Variants in IPO8 observed in about 807,000 individuals in gnomAD.
IPO8 encodes the protein importin 8.
In IPO8, 65 loss-of-function variants were observed where a neutral mutation model predicts 141.2. The observed-to-expected ratio is 0.46, with a 90% CI of 0.38 to 0.57. IPO8 has a LOEUF of 0.57. Ranked by LOEUF, IPO8 falls within the 20% of genes least tolerant of loss-of-function variation. IPO8 has a pLI of 0.00. For missense variants in IPO8, 980 were observed against 1,246.8 expected (o/e 0.79, Z 3.22); for synonymous variants, 411 against 420.3 (o/e 0.98, Z 0.27).
intron 9 of IPO8, among the ~76,000 whole-genome samples, chr12:30,669,875 A>G (rs932082884): frequency 6.6e-6 from 1 of 152,210 alleles, no homozygotes; most frequent in East Asian, 1.9e-4. Context: ...CTCTCTGTGC[A>G]CTGCTACTAA....
intron 21 of IPO8, among the ~76,000 whole-genome samples, 166 bp downstream of exon 21, chr12:30,639,349 C>T (rs1246541505): frequency 2.0e-5 from 3 of 152,136 alleles, no homozygotes; most frequent in Non-Finnish European, 4.4e-5. Context: ...CACTAGATTA[C>T]CCTGCTGAAA....
At position 30,636,950 on chromosome 12, in the gene IPO8, T is replaced by C. The variant is rs189420587; in HGVS notation, c.2695+32A>G. ...AAATGCATACACAAATCAAAATCAA[T>C]TGTAACATTAATTTCAATTAGAAGA... On this transcript the variant is annotated intron_variant, in intron 22 of 24. Transcript: ENST00000256079. The C allele has an allele frequency of 1.9e-6, 3 of 1,563,100 alleles. No homozygotes were observed. In the Admixed American group the frequency reaches 5.0e-5, roughly 26 times the overall value.
chr12:30,654,893 G>A (rs1031145979), intron 17 of IPO8, among the ~76,000 whole-genome samples: 2 of 151,970 alleles, frequency 1.3e-5, no homozygotes, highest in Non-Finnish European at 2.9e-5. Context: ...AAGAGATAAT[G>A]TGCCCTCCTA....
chr12:30,643,261 T>C (rs1161135802), intron 20 of IPO8, among the ~76,000 whole-genome samples: 1 of 152,118 alleles, frequency 6.6e-6, no homozygotes, highest in African/African-American at 2.4e-5. Flanking sequence ...TGAGCCAAGA[T>C]CATGCCATTT....
chr12:30,674,896 A>AT lies in IPO8; in HGVS notation c.730-144dup, dbSNP rs1328493011. On this transcript the variant is annotated intron_variant, in intron 6 of 24. Transcript: ENST00000256079. ...CTATACAAATGAAAATTCTTTATAG[A>AT]TTGCTAGGCAGGAATTAAATAAGCA... 3 of 645,512 alleles carry AT rather than the reference A, an allele frequency of 4.6e-6. No homozygotes were observed. In the African/African-American group the frequency reaches 5.4e-5, roughly 12 times the overall value. 40.0% of individuals were successfully genotyped at this position (645,512 alleles called of 1,614,324 possible).
chr12:30,637,173 T>G lies in IPO8; in HGVS notation c.2504A>C (p.Lys835Thr). Residue 835 changes from lysine (K) to threonine (T), a missense_variant, in exon 22 of 25, where the codon AAG becomes ACG. Physicochemically the swap from Lys to Thr is moderately conservative, Grantham distance 78. Coordinates refer to ENST00000256079, the MANE Select transcript of IPO8 (RefSeq NM_006390.4). ...TDCFLGHHDR[K>T]MCIIGLSILL... ...GATACTCAGTCCTATTATACACATC[T>G]TCCGGTCATGATGCCTGCAAATTTT... The G allele has an allele frequency of 6.2e-7, 1 of 1,613,334 alleles. No individual in the cohort carries two copies. The highest frequency in any genetic ancestry group is 8.5e-7 in the Non-Finnish European group (1 of 1,179,690).
intron 19 of IPO8, 145 bp from the exon 20 acceptor site, chr12:30,649,377 G>A (rs1376709611): frequency 2.0e-6 from 1 of 500,322 alleles, no homozygotes; most frequent in Non-Finnish European, 3.5e-6. Flanking sequence ...ACCCAAAGAA[G>A]AATGGTCAAA....
Position 30,630,829 on chromosome 12 carries a change from G to T in IPO8, c.*31C>A. On this transcript the variant is annotated 3_prime_UTR_variant, in exon 25 of 25. Transcript: ENST00000256079. ...CTCCTCTTGTGAAATAAAATGCAGC[G>T]ATGACATTTGGTCAGCTGATGTTCT... 1 of 1,536,750 alleles carries T rather than the reference G, an allele frequency of 6.5e-7. No individual in the cohort carries two copies. The highest frequency in any genetic ancestry group is 9.0e-7 in the Non-Finnish European group (1 of 1,111,966).
intron 23 of IPO8, among the ~76,000 whole-genome samples, chr12:30,633,198 T>C (rs903081676): frequency 6.6e-6 from 1 of 152,196 alleles, no homozygotes; most frequent in Non-Finnish European, 1.5e-5. Context: ...ATGTTATTTG[T>C]AGCAACACTA....
chr12:30,632,935 G>A (rs1222145702), intron 23 of IPO8, among the ~76,000 whole-genome samples: 1 of 152,128 alleles, frequency 6.6e-6, no homozygotes, highest in Non-Finnish European at 1.5e-5. Context: ...CCTACATGCT[G>A]GTTTAAAGTT....
intron 19 of IPO8, among the ~76,000 whole-genome samples, chr12:30,650,044 A>G (rs943543907): frequency 1.3e-5 from 2 of 152,164 alleles, no homozygotes; most frequent in African/African-American, 4.8e-5. Context: ...TTGAAAAAAA[A>G]GACTTAACGA....
At position 30,630,952 on chromosome 12, in the gene IPO8, T is replaced by C. The variant is rs751097058; in HGVS notation, c.3022A>G (p.Lys1008Glu). The C allele has an allele frequency of 5.6e-6, 9 of 1,612,508 alleles. No homozygotes were observed. Among genetic ancestry groups the C allele is most frequent in the Non-Finnish European group, 7.6e-6 (9 of 1,179,450 alleles). The change falls in exon 25 of 25, where the codon AAG becomes GAG. Residue 1008 changes from lysine to glutamate, a missense_variant. Lys to Glu is a moderately conservative substitution (Grantham distance 56). Coordinates refer to ENST00000256079, the MANE Select transcript of IPO8 (RefSeq NM_006390.4). ...AEHRRTVAEA[K>E]KKIEQQGGFT... is the part of the protein sequence containing the mutation. ...CCTCCCTGTTGTTCAATCTTCTTCT[T>C]TGCCTCTAGCATTTTTCAAAAGAAA...
chr12:30,663,643 T>C lies in IPO8; in HGVS notation c.1440A>G (p.Val480=), dbSNP rs2136151069. 1 of 1,609,342 alleles carries C rather than the reference T, an allele frequency of 6.2e-7. No individual in the cohort carries two copies. The highest frequency in any genetic ancestry group is 1.1e-5 in the South Asian group (1 of 90,688). The change falls in exon 14 of 25, where the codon GTA becomes GTG. Residue 480 remains valine (V), a synonymous_variant. Coordinates refer to ENST00000256079, the MANE Select transcript of IPO8 (RefSeq NM_006390.4). The stretch of plus-strand genomic sequence containing the variant: ...ACTTCAAAGAACTAAATGCATGAAG[T>C]ACCCAGCAAGACTGTATTATTAAAA... ...LGYLRARSCW[V]LHAFSSLKFH...
chr12:30,643,470 CTAT>C (rs1349132497), intron 20 of IPO8, among the ~76,000 whole-genome samples: 1 of 152,186 alleles, frequency 6.6e-6, no homozygotes, highest in African/African-American at 2.4e-5. Context: ...TTGAATACTA[CTAT>C]GGTCTCGATA....
At chr12:30,664,202 A>G (rs535570503) in intron 13 of IPO8, among the ~76,000 whole-genome samples, 9 of 152,314 alleles carry the variant, frequency 5.9e-5, no homozygotes, top group Non-Finnish European at 1.2e-4. Context: ...GTTACTAAAG[A>G]CTTTTAGCAA....
chr12:30,656,746 GTAATC>G lies in IPO8; in HGVS notation c.1882-1_1885del. ...TAGACAGATATTCTCTAACTGCTGG[GTAATC>G]TAAAGATAAATGTTAAATATTAAGC... is the stretch of plus-strand genomic sequence containing the variant. On this transcript the variant is annotated splice_acceptor_variant and coding_sequence_variant, in exon 17 of 25. Coordinates refer to ENST00000256079, the MANE Select transcript of IPO8 (RefSeq NM_006390.4). LOFTEE classifies it high-confidence loss of function. 2.7e-6 allele frequency: 4 copies of G among 1,468,748 alleles called. No individual in the cohort carries two copies. Among genetic ancestry groups the G allele is most frequent in the Non-Finnish European group, 3.7e-6 (4 of 1,072,994 alleles). The allele number at this position is 1,468,748 out of a possible 1,614,324, so 91.0% of individuals were successfully genotyped here. A position where few individuals can be genotyped will look rare whatever the true frequency, so the allele number is the denominator to read the frequency against.
At chr12:30,634,395 T>G in intron 22 of IPO8, 109 bp from the exon 23 acceptor site, 1 of 787,836 alleles carries the variant, frequency 1.3e-6, no homozygotes, top group Non-Finnish European at 2.0e-6. Flanking sequence ...AAGGAAAAAA[T>G]CTTCCACAAA....
intron 2 of IPO8, 127 bp downstream of exon 2, chr12:30,690,369 G>A: frequency 1.6e-6 from 1 of 623,004 alleles, no homozygotes; most frequent in Non-Finnish European, 2.8e-6. Flanking sequence ...TGAAGTCACT[G>A]GAAATACTTC....
At chr12:30,679,180 T>G (rs2053159521) in intron 5 of IPO8, among the ~76,000 whole-genome samples, 1 of 152,186 alleles carries the variant, frequency 6.6e-6, no homozygotes, top group Admixed American at 6.5e-5. Flanking sequence ...CCTTCTCATA[T>G]TATCGCTTTT....
Sources: gnomAD v4.1 joint callset for allele counts (sites outside exome capture counted in the v4.1 genomes callset) on GRCh38, gnomAD v4.1.1 for gene constraint, MANE v1.5 for transcripts, NCBI Gene and HGNC (gene_info 2026-07-23, HGNC 2026-07-21) for gene names.